ANK1: variants seen among roughly 807,000 people sequenced by gnomAD.
ANK1 encodes the protein ankyrin 1.
A neutral mutation model predicts 210.4 loss-of-function variants in ANK1; 51 were observed. The ratio of observed to expected loss-of-function variants is 0.24; its 90% CI spans 0.19 to 0.31. The LOEUF (loss-of-function observed/expected upper bound fraction) is 0.31, where lower values mean the gene tolerates loss of function less well. ANK1 is among the 10% of genes least tolerant of loss of function. The pLI is 1.00. For missense variants in ANK1, 2,051 were observed against 2,504.4 expected, an observed-to-expected ratio of 0.82 and a Z score of 3.86; for synonymous variants, 967 against 1,025.9, an observed-to-expected ratio of 0.94 and a Z score of 1.10.
chr8:41,805,143 TCTCA>T (rs1425916973), intron 1 of ANK1, among the ~76,000 whole-genome samples: 1 of 151,498 alleles, frequency 6.6e-6, no homozygotes, highest in Non-Finnish European at 1.5e-5. Flanking sequence ...TTTCTCTCTC[TCTCA>T]TAGAGCTCTT....
intron 21 of ANK1, among the ~76,000 whole-genome samples, 160 bp downstream of exon 21, chr8:41,701,892 G>A (rs1288904436): frequency 6.6e-6 from 1 of 152,218 alleles, no homozygotes; most frequent in African/African-American, 2.4e-5. Context: ...TGGCAGCACA[G>A]CCCCGCTGGA....
chr8:41,844,840 GGTGA>G (rs1443699880), intron 1 of ANK1, among the ~76,000 whole-genome samples: 1 of 152,122 alleles, frequency 6.6e-6, no homozygotes, highest in Non-Finnish European at 1.5e-5. Context: ...GTTAGAAGGG[GGTGA>G]GTGAGAGACA....
At chr8:41,703,284 T>C (rs1220053634) in intron 20 of ANK1, among the ~76,000 whole-genome samples, 1 of 151,610 alleles carries the variant, frequency 6.6e-6, no homozygotes, top group Non-Finnish European at 1.5e-5. Context: ...ACCCAGGACA[T>C]TTAATTATGT....
chr8:41,696,339 C>T (rs1279188524), intron 26 of ANK1, 24 bp downstream of exon 26: 1 of 1,611,648 alleles, frequency 6.2e-7, no homozygotes, highest in Non-Finnish European at 8.5e-7. Context: ...CAGGGGAGAA[C>T]ACGGGCTGCC....
intron 2 of ANK1, among the ~76,000 whole-genome samples, chr8:41,737,473 C>T (rs1236218832): frequency 6.6e-6 from 1 of 152,122 alleles, no homozygotes; most frequent in Non-Finnish European, 1.5e-5. Context: ...CAGAAAACCC[C>T]CTTTCTTCTC....
chr8:41,690,501 C>A lies in ANK1; in HGVS notation c.3957G>T (p.Arg1319=), dbSNP rs376171468. Residue 1319 remains arginine (R), a synonymous_variant, in exon 32 of 43, where the codon CGG becomes CGT. Transcript: ENST00000289734. Reference sequence around the variant, plus strand: ...TTACAGGCATGGCCAGACGGTTCTCCCGAAATGACTGGAAGTGGAAGCTCC... The same window carrying A: ...TTACAGGCATGGCCAGACGGTTCTCACGAAATGACTGGAAGTGGAAGCTCC... ...QQRSFHFQSF[R]ENRLAMPVKV... is the part of the protein sequence containing the mutation. The A allele has an allele frequency of 6.8e-6, 11 of 1,614,084 alleles. No individual in the cohort carries two copies. The highest frequency in any genetic ancestry group is 9.3e-6 in the Non-Finnish European group (11 of 1,180,046).
intron 2 of ANK1, among the ~76,000 whole-genome samples, chr8:41,736,467 C>A (rs531045996): frequency 1.3e-5 from 2 of 152,338 alleles, no homozygotes; most frequent in South Asian, 2.1e-4. Flanking sequence ...GTGCTGACAG[C>A]GGATGCCCTG....
At chr8:41,805,782 G>C (rs1028955049) in intron 1 of ANK1, among the ~76,000 whole-genome samples, 1 of 152,064 alleles carries the variant, frequency 6.6e-6, no homozygotes, top group African/African-American at 2.4e-5. Context: ...TTAACATCTG[G>C]CTTAAGAAAA....
At chr8:41,879,227 C>T (rs1817159126) in intron 1 of ANK1, among the ~76,000 whole-genome samples, 1 of 152,060 alleles carries the variant, frequency 6.6e-6, no homozygotes, top group Admixed American at 6.6e-5. Flanking sequence ...TCAGTGGGGA[C>T]CCCAGCTTCC....
In ANK1 at chr8:41,708,911, A is replaced by G. The variant is rs761547514; in HGVS notation, c.1865T>C (p.Leu622Pro). 1 of 1,614,134 alleles carries G rather than the reference A, an allele frequency of 6.2e-7. No homozygotes were observed. Among genetic ancestry groups the G allele is most frequent in the Non-Finnish European group, 8.5e-7 (1 of 1,180,044 alleles). The change falls in exon 17 of 43, where the codon CTG becomes CCG. Residue 622 changes from leucine (L) to proline (P), a missense_variant. Around this residue, in one of 6 missense-constraint regions of ANK1, gnomAD observed 1,413 missense variants for 1,707.4 expected, o/e 0.83. Coordinates refer to ENST00000289734, the MANE Select transcript of ANK1 (RefSeq NM_000037.4). ...QNQVEVARSL[L>P]QYGGSANAES... is the part of the protein sequence containing the mutation. ...GGCGTTTGCTGAGCCCCCATACTGC[A>G]GCAGACTACGGGCCACCTCCACCTG... is the stretch of plus-strand genomic sequence containing the variant.
intron 1 of ANK1, among the ~76,000 whole-genome samples, chr8:41,764,080 G>C (rs919051727): frequency 6.6e-6 from 1 of 151,664 alleles, no homozygotes; most frequent in African/African-American, 2.4e-5. Flanking sequence ...TCCTGCTAGG[G>C]CAAAGAGAGA....
intron 2 of ANK1, among the ~76,000 whole-genome samples, chr8:41,749,000 C>A (rs148832509): frequency 0.018 from 2,766 of 151,474 alleles, 94 homozygotes; most frequent in African/African-American, 0.061. Flanking sequence ...CTGCCACTGC[C>A]CTCCAACCTG....
intron 1 of ANK1, among the ~76,000 whole-genome samples, chr8:41,844,576 C>T (rs772484022): frequency 5.0e-4 from 76 of 152,288 alleles, no homozygotes; most frequent in Non-Finnish European, 4.4e-4. Context: ...GTCAAAGCCT[C>T]GGGGCCCCAG....
At chr8:41,891,780 G>A (rs574574509) in intron 1 of ANK1, among the ~76,000 whole-genome samples, 29 of 152,306 alleles carry the variant, frequency 1.9e-4, no homozygotes, top group African/African-American at 7.0e-4. Flanking sequence ...GGAGGCTCCC[G>A]AGGTACTACA....
At chr8:41,759,795 C>T (rs1350344044) in intron 1 of ANK1, among the ~76,000 whole-genome samples, 1 of 152,128 alleles carries the variant, frequency 6.6e-6, no homozygotes, top group African/African-American at 2.4e-5. Flanking sequence ...AGCATTTTAT[C>T]CTCATTTGGA....
At chr8:41,833,007 T>G (rs1401748713) in intron 1 of ANK1, among the ~76,000 whole-genome samples, 1 of 152,192 alleles carries the variant, frequency 6.6e-6, no homozygotes, top group Non-Finnish European at 1.5e-5. Flanking sequence ...CCTGGGGTGC[T>G]GAGGAAGGGG....
At chr8:41,683,845 G>A (rs1364988136) in intron 37 of ANK1, among the ~76,000 whole-genome samples, 1 of 152,202 alleles carries the variant, frequency 6.6e-6, no homozygotes, top group Non-Finnish European at 1.5e-5. Context: ...AGGAGTGGCA[G>A]GGGCTTGGGG....
intron 6 of ANK1, 88 bp from the exon 7 acceptor site, chr8:41,724,642 G>A (rs964900471): frequency 1.6e-6 from 2 of 1,234,420 alleles, no homozygotes; most frequent in Non-Finnish European, 2.3e-6. Context: ...ACTCAGGTGG[G>A]GCAACAGGAC....
intron 1 of ANK1, among the ~76,000 whole-genome samples, chr8:41,844,382 C>G (rs1437833217): frequency 2.0e-5 from 3 of 152,190 alleles, no homozygotes; most frequent in Non-Finnish European, 4.4e-5. Flanking sequence ...CAGAGACCCT[C>G]TGTACCTCTC....
Sources: gnomAD v4.1 joint callset for allele counts (sites outside exome capture counted in the v4.1 genomes callset) on GRCh38, gnomAD v4.1.1 for gene constraint, gnomAD v4.1.1 regional missense constraint, MANE v1.5 for transcripts, NCBI Gene and HGNC (gene_info 2026-07-23, HGNC 2026-07-21) for gene names.